RC3H1: variants seen among roughly 807,000 people sequenced by gnomAD.
RC3H1 encodes roquin-1.
Under a neutral mutation model 138.2 loss-of-function variants are expected in RC3H1, and 50 were observed. The ratio of observed to expected loss-of-function variants is 0.36; its 90% CI spans 0.29 to 0.46. The LOEUF is 0.46. Among genes scored for constraint, RC3H1 ranks in the 20% least tolerant of loss-of-function variants. RC3H1 has a pLI of 1.00. For synonymous variants in RC3H1, 462 were observed against 489.1 expected, an observed-to-expected ratio of 0.94 and a Z score of 0.73; for missense variants, 1,031 against 1,388.1, an observed-to-expected ratio of 0.74 and a Z score of 4.09.
chr1:173,953,093 A>G (rs1571180971), intron 13 of RC3H1, among the ~76,000 whole-genome samples: 1 of 152,186 alleles, frequency 6.6e-6, no homozygotes, highest in Non-Finnish European at 1.5e-5. Flanking sequence ...GCATTGACAT[A>G]GGGTCTGCTG....
At chr1:173,945,862 C>T (rs2102862823) in intron 17 of RC3H1, among the ~76,000 whole-genome samples, 1 of 152,168 alleles carries the variant, frequency 6.6e-6, no homozygotes, top group African/African-American at 2.4e-5. Flanking sequence ...TGCACACCAC[C>T]ATGCCCGGCT....
At chr1:173,979,701 G>C (rs1204566793) in intron 6 of RC3H1, among the ~76,000 whole-genome samples, 1 of 152,140 alleles carries the variant, frequency 6.6e-6, no homozygotes, top group African/African-American at 2.4e-5. Context: ...TTCAGAGGTA[G>C]AAAGGTACTC....
At chr1:173,941,667 G>A (rs753914869) in intron 18 of RC3H1, among the ~76,000 whole-genome samples, 8 of 152,230 alleles carry the variant, frequency 5.3e-5, no homozygotes, top group Non-Finnish European at 1.2e-4. Context: ...CAGGCATGGC[G>A]GCTCACGCCT....
chr1:174,021,215 C>G (rs987380192), intron 1 of RC3H1, among the ~76,000 whole-genome samples: 1 of 152,146 alleles, frequency 6.6e-6, no homozygotes, highest in African/African-American at 2.4e-5. Context: ...TAATTCAAAA[C>G]GCCTAGCTGG....
Position 173,982,936 on chromosome 1 carries a change from A to G in RC3H1, c.593-34T>C, listed in dbSNP as rs1159468080. ...AGTTGGGCAAAACCAAAATTTATCA[A>G]GTACATAGATAAGATAAATCCATTT... is the stretch of plus-strand genomic sequence containing the variant. On this transcript the variant is annotated intron_variant, in intron 4 of 19. Coordinates refer to ENST00000367696, the MANE Select transcript of RC3H1 (RefSeq NM_172071.4). The G allele has an allele frequency of 4.5e-6, 7 of 1,570,356 alleles. No individual in the cohort carries two copies. In the South Asian group the frequency reaches 8.1e-5, roughly 18 times the overall value.
intron 5 of RC3H1, among the ~76,000 whole-genome samples, chr1:173,982,049 T>C (rs1660843847): frequency 6.6e-6 from 1 of 152,228 alleles, no homozygotes; most frequent in Non-Finnish European, 1.5e-5. Context: ...ACTTCATTAT[T>C]GTATATGTGG....
chr1:173,985,445 T>C (rs878942306), intron 2 of RC3H1, among the ~76,000 whole-genome samples: 1 of 152,234 alleles, frequency 6.6e-6, no homozygotes, highest in Non-Finnish European at 1.5e-5. Flanking sequence ...TGTAGAAAGA[T>C]AATTCTTCTA....
intron 15 of RC3H1, 90 bp downstream of exon 15, chr1:173,947,279 T>C: frequency 1.1e-6 from 1 of 885,116 alleles, no homozygotes; most frequent in South Asian, 1.5e-5. Context: ...GCAAGATTAC[T>C]AAAAACACTG....
intron 1 of RC3H1, among the ~76,000 whole-genome samples, chr1:174,005,479 G>A (rs1211858643): frequency 1.3e-5 from 2 of 152,118 alleles, no homozygotes; most frequent in Non-Finnish European, 2.9e-5. Flanking sequence ...AGTCTTTTGA[G>A]AAAACATATA....
intron 2 of RC3H1, 108 bp downstream of exon 2, chr1:173,992,647 C>A: frequency 1.3e-6 from 1 of 797,018 alleles, no homozygotes. Flanking sequence ...CAACAGGTTT[C>A]TCTCAGGAGA....
Position 173,983,517 on chromosome 1 carries a change from T to C in RC3H1, c.493A>G (p.Thr165Ala). The change falls in exon 4 of 20, where the codon ACA (threonine) becomes GCA (alanine). Residue 165 changes from threonine (T) to alanine (A), a missense_variant. Transcript: ENST00000367696. ...TGCTGGAGAATGAGCTCTGTAACTG[T>C]TCGTTCACCTAAAGATCGAGCTGCC... ...MRAARSLGERTVTELILQHQN... is the reference protein window; with the variant it reads ...MRAARSLGERAVTELILQHQN... 6.2e-7 allele frequency: 1 copy of C among 1,614,238 alleles called. No individual in the cohort carries two copies. The highest frequency in any genetic ancestry group is 8.5e-7 in the Non-Finnish European group (1 of 1,180,040).
chr1:173,943,839 A>G (rs1659016515), intron 17 of RC3H1, among the ~76,000 whole-genome samples: 1 of 152,158 alleles, frequency 6.6e-6, no homozygotes, highest in Non-Finnish European at 1.5e-5. Context: ...TCTTATGTAT[A>G]AATTGCTCCT....
At chr1:174,000,650 T>C (rs1262170352) in intron 1 of RC3H1, among the ~76,000 whole-genome samples, 4 of 152,346 alleles carry the variant, frequency 2.6e-5, no homozygotes, top group Non-Finnish European at 5.9e-5. Flanking sequence ...TAACTCATTA[T>C]TCTTGACCTT....
intron 1 of RC3H1, among the ~76,000 whole-genome samples, chr1:174,002,235 C>T (rs1661577819): frequency 6.6e-6 from 1 of 152,268 alleles, no homozygotes; most frequent in African/African-American, 2.4e-5. Context: ...AGTCCTCTTG[C>T]TGCAATAATG....
At chr1:173,985,116 G>T (rs1051502055) in intron 2 of RC3H1, among the ~76,000 whole-genome samples, 2 of 152,016 alleles carry the variant, frequency 1.3e-5, no homozygotes, top group African/African-American at 4.8e-5. Flanking sequence ...TGTGTTCAAG[G>T]GTCTTCCAGG....
At chr1:173,957,542 C>G (rs752128709) in intron 13 of RC3H1, among the ~76,000 whole-genome samples, 13 of 152,004 alleles carry the variant, frequency 8.6e-5, no homozygotes, top group Non-Finnish European at 1.8e-4. Context: ...AAATATCACA[C>G]CTGTTTTCTT....
chr1:174,016,509 T>C (rs1025525047), intron 1 of RC3H1, among the ~76,000 whole-genome samples: 3 of 149,760 alleles, frequency 2.0e-5, no homozygotes, highest in African/African-American at 7.4e-5. Flanking sequence ...TCCTCCTGCC[T>C]TGGCCTCCTA....
At chr1:173,951,878 C>G in intron 14 of RC3H1, 108 bp downstream of exon 14, 1 of 1,045,152 alleles carries the variant, frequency 9.6e-7, no homozygotes, top group Non-Finnish European at 1.3e-6. Flanking sequence ...AGAATATGGT[C>G]TGAAACTCTT....
At chr1:173,987,094 A>G (rs1661058506) in intron 2 of RC3H1, among the ~76,000 whole-genome samples, 1 of 152,134 alleles carries the variant, frequency 6.6e-6, no homozygotes, top group Non-Finnish European at 1.5e-5. Context: ...ACACACCACC[A>G]ACACAACTTA....
Sources: gnomAD v4.1 joint callset for allele counts (sites outside exome capture counted in the v4.1 genomes callset) on GRCh38, gnomAD v4.1.1 for gene constraint, MANE v1.5 for transcripts, NCBI Gene and HGNC (gene_info 2026-07-23, HGNC 2026-07-21) for gene names.